The following CSNK1A1 variants were observed in gnomAD, a reference collection of about 807,000 sequenced individuals.
The protein encoded by CSNK1A1 is casein kinase 1 alpha 1.
In CSNK1A1, 7 loss-of-function variants were observed where a neutral mutation model predicts 46.1. The ratio of observed to expected loss-of-function variants is 0.15; its 90% CI spans 0.09 to 0.29. CSNK1A1 has a LOEUF of 0.29. Ranked by LOEUF, CSNK1A1 falls within the 10% of genes least tolerant of loss-of-function variation. CSNK1A1 has a pLI of 1.00. For missense variants in CSNK1A1, 96 were observed against 417.1 expected (o/e 0.23, Z 6.71); for synonymous variants, 137 against 141.5 (o/e 0.97, Z 0.23).
chr5:149,515,315 A>G (rs1221225059), intron 4 of CSNK1A1, among the ~76,000 whole-genome samples: 1 of 152,240 alleles, frequency 6.6e-6, no homozygotes, highest in Non-Finnish European at 1.5e-5. Context: ...GTCTAAATCT[A>G]CATTCAATAG....
chr5:149,545,302 G>A (rs914734627), intron 2 of CSNK1A1: 23 of 309,866 alleles, frequency 7.4e-5, no homozygotes, highest in South Asian at 6.1e-4. Context: ...TAATAGCACA[G>A]GAGGACCCCA....
chr5:149,522,035 A>C (rs1761587193), intron 3 of CSNK1A1, among the ~76,000 whole-genome samples: 1 of 152,130 alleles, frequency 6.6e-6, no homozygotes, highest in East Asian at 1.9e-4. Flanking sequence ...TTTATCTGTC[A>C]TTATGTAAAC....
At chr5:149,518,210 TC>T (rs1001524208) in intron 4 of CSNK1A1, among the ~76,000 whole-genome samples, 2 of 151,444 alleles carry the variant, frequency 1.3e-5, no homozygotes, top group Non-Finnish European at 2.9e-5. Flanking sequence ...AATCTGCCCT[TC>T]CCCCCCAAAA....
rs770787344 is a variant in CSNK1A1 at position 149,493,549 on chromosome 5, C to G, written c.*3304G>C. The stretch of plus-strand genomic sequence containing the variant: ...CAATACACTGTTTGTTGATTCAACA[C>G]AAACTGCATGGGCTGCTTAGATCAA... On this transcript the variant is annotated 3_prime_UTR_variant, in exon 10 of 10. Transcript: ENST00000377843. 4 of 151,734 alleles carry G rather than the reference C, an allele frequency of 2.6e-5. No individual in the cohort carries two copies. Among genetic ancestry groups the G allele is most frequent in the Non-Finnish European group, 5.9e-5 (4 of 67,962 alleles). 9.4% of individuals were successfully genotyped at this position (151,734 alleles called of 1,614,324 possible).
At chr5:149,542,121 G>A (rs925559473) in intron 2 of CSNK1A1, among the ~76,000 whole-genome samples, 18 of 151,600 alleles carry the variant, frequency 1.2e-4, no homozygotes, top group Admixed American at 2.0e-4. Context: ...TGGCATTACC[G>A]CCTGAGCTCA....
rs961029594 is a variant in CSNK1A1, at chr5:149,499,305, A to G, written c.1007-2445T>C. The stretch of plus-strand genomic sequence containing the variant: ...GAATCCCTTTATTCCTTAAAAAAAA[A>G]GGGGAGGGGGAGGGGGGAGTTAAAA... On this transcript the variant is annotated intron_variant, in intron 9 of 9. Coordinates refer to ENST00000377843, the MANE Select transcript of CSNK1A1 (RefSeq NM_001892.6). 1.3e-4 allele frequency: 63 copies of G among 496,668 alleles called. 1 individual carries two copies. Among genetic ancestry groups the G allele is most frequent in the East Asian group, 7.6e-4 (2 of 2,632 alleles). The allele number at this position is 496,668 out of a possible 1,614,324, so 30.8% of individuals were successfully genotyped here. A position where few individuals can be genotyped will look rare whatever the true frequency, so the allele number is the denominator to read the frequency against.
chr5:149,537,365 G>T (rs1016686320), intron 2 of CSNK1A1, among the ~76,000 whole-genome samples: 1 of 152,150 alleles, frequency 6.6e-6, no homozygotes, highest in Non-Finnish European at 1.5e-5. Flanking sequence ...GACAGAGTGA[G>T]ACTCCATCTC....
chr5:149,545,632 C>A, intron 2 of CSNK1A1: 1 of 889,910 alleles, frequency 1.1e-6, no homozygotes, highest in Non-Finnish European at 1.8e-6. Flanking sequence ...GAGGGCCCTG[C>A]TAGCCTCAGC....
intron 2 of CSNK1A1, among the ~76,000 whole-genome samples, chr5:149,527,130 A>T (rs913683363): frequency 2.7e-5 from 4 of 147,362 alleles, no homozygotes; most frequent in Admixed American, 2.0e-4. Context: ...CAAAAGAGCC[A>T]TTTTTTTTTT....
chr5:149,495,224 A>G lies in CSNK1A1; in HGVS notation c.*1629T>C, dbSNP rs781482582. ...AAGTAGTTTTCAAATAAAAAAAAGA[A>G]AAAAGAAAACAAAACAAATTAAACT... On this transcript the variant is annotated 3_prime_UTR_variant, in exon 10 of 10. Transcript: ENST00000377843. 1 of 152,220 alleles carries G rather than the reference A, an allele frequency of 6.6e-6. No individual in the cohort carries two copies. Among genetic ancestry groups the G allele is most frequent in the Non-Finnish European group, 1.5e-5 (1 of 68,042 alleles). 9.4% of individuals were successfully genotyped at this position (152,220 alleles called of 1,614,324 possible). A position where few individuals can be genotyped will look rare whatever the true frequency, so the allele number is the denominator to read the frequency against.
chr5:149,517,215 T>C lies in CSNK1A1; in HGVS notation c.456+3075A>G, dbSNP rs1761429971. ...TATGTTATTGTTATATTGTTAAGAA[T>C]GCAGTATCTTCTAGTTCCAGAGCCT... On this transcript the variant is annotated intron_variant, in intron 4 of 9. Transcript: ENST00000377843. The surrounding 1 kb of genome is among the most constrained non-coding windows in gnomAD (Gnocchi z 4.4). Among the ~76,000 whole-genome samples the C allele has an allele frequency of 6.6e-6, 1 of 152,202 alleles. No homozygotes were observed. Among genetic ancestry groups the C allele is most frequent in the South Asian group, 2.1e-4 (1 of 4,832 alleles).
At chr5:149,542,618 A>ACATG (rs1762290659) in intron 2 of CSNK1A1, among the ~76,000 whole-genome samples, 3 of 12,554 alleles carry the variant, frequency 2.4e-4, no homozygotes, top group African/African-American at 1.0e-3. Context: ...ATATATATAT[A>ACATG]TATATATATA....
chr5:149,537,769 TAACGGGGTCCTACTG>T (rs1762106660), intron 2 of CSNK1A1, among the ~76,000 whole-genome samples: 1 of 147,638 alleles, frequency 6.8e-6, no homozygotes, highest in Non-Finnish European at 1.5e-5. Flanking sequence ...TGAATAGTCT[TAACGGGGTCCTACTG>T]TTGCAATTAA....
chr5:149,508,755 A>G (rs909179399), intron 7 of CSNK1A1, among the ~76,000 whole-genome samples: 27 of 152,300 alleles, frequency 1.8e-4, no homozygotes, highest in African/African-American at 5.3e-4. Context: ...TAGGGTAAGG[A>G]GAATATTTCT....
chr5:149,518,488 C>T (rs143190633), intron 4 of CSNK1A1, among the ~76,000 whole-genome samples: 16 of 152,176 alleles, frequency 1.1e-4, no homozygotes, highest in African/African-American at 3.6e-4. Context: ...CCAAAGAATC[C>T]AGTCTCATAC....
chr5:149,530,965 C>CAAAAAAAAAA (rs59281087), intron 2 of CSNK1A1, among the ~76,000 whole-genome samples: 9,626 of 81,392 alleles, frequency 0.12, 1,714 homozygotes, highest in East Asian at 0.27. Context: ...GACTCTGTCT[C>CAAAAAAAAAA]AAAAAAAAAA....
intron 2 of CSNK1A1, among the ~76,000 whole-genome samples, chr5:149,542,663 T>C (rs1762329115): frequency 1.8e-4 from 2 of 11,016 alleles, no homozygotes; most frequent in Non-Finnish European, 3.1e-4. Context: ...TATATATATA[T>C]ATATATATGT....
intron 9 of CSNK1A1, chr5:149,503,827 T>C: frequency 2.0e-6 from 2 of 985,364 alleles, no homozygotes; most frequent in Non-Finnish European, 2.4e-6. Context: ...TGAAGTAAAA[T>C]GTTCTAGGTC....
In CSNK1A1 at chr5:149,517,982, T is replaced by C. The variant is rs1463668805; in HGVS notation, c.456+2308A>G. On this transcript the variant is annotated intron_variant, in intron 4 of 9. Transcript: ENST00000377843. This position sits in a 1 kb window ranked among gnomAD's most constrained non-coding sequence, Gnocchi z 4.4. ...CCGAGGCATTAGAGAAAGAACAGGG[T>C]AGCCAAATGCCATCCTTCTTCCACC... The C allele has an allele frequency of 1.5e-6, 1 of 671,436 alleles. No individual in the cohort carries two copies. Among genetic ancestry groups the C allele is most frequent in the Non-Finnish European group, 2.6e-6 (1 of 377,464 alleles). The allele number at this position is 671,436 out of a possible 1,614,324, so 41.6% of individuals were successfully genotyped here. A position where few individuals can be genotyped will look rare whatever the true frequency, so the allele number is the denominator to read the frequency against.
Sources: gnomAD v4.1 joint callset for allele counts (sites outside exome capture counted in the v4.1 genomes callset) on GRCh38, gnomAD v4.1.1 for gene constraint, Gnocchi (gnomAD v3.1) non-coding constraint, MANE v1.5 for transcripts, NCBI Gene and HGNC (gene_info 2026-07-23, HGNC 2026-07-21) for gene names.